The following SLC7A9 variants were observed in gnomAD, a reference collection of about 807,000 sequenced individuals.
SLC7A9 encodes solute carrier family 7 member 9, also known as B(0,+)-type amino acid transporter 1.
In SLC7A9, 38 loss-of-function variants were observed where a neutral mutation model predicts 54.1. The ratio of observed to expected loss-of-function variants is 0.70; its 90% CI spans 0.54 to 0.92. The LOEUF is 0.92. Ranked by LOEUF, SLC7A9 falls within the 40% of genes least tolerant of loss-of-function variation. The pLI, the probability that SLC7A9 is intolerant of heterozygous loss-of-function variation, is 0.00. For missense variants in SLC7A9, 537 were observed against 636.1 expected (o/e 0.84, Z 1.68); for synonymous variants, 264 against 258.9 (o/e 1.02, Z -0.19).
At position 32,842,226 on chromosome 19, in the gene SLC7A9, G is replaced by A. The variant is rs756323038; in HGVS notation, c.1166C>T (p.Thr389Met). 1.1e-5 allele frequency: 17 copies of A among 1,613,852 alleles called. No homozygotes were observed. Among genetic ancestry groups the A allele is most frequent in the Middle Eastern group, 3.3e-4 (2 of 6,084 alleles). ...TCTCATCACGATGAGTCCTAGAATCGTCAGGCCATAAAACAGCCATGCGGC... is the reference window on the plus strand; with the variant it reads ...TCTCATCACGATGAGTCCTAGAATCATCAGGCCATAAAACAGCCATGCGGC... ...SFAAWLFYGL[T>M]ILGLIVMRFT... Residue 389 changes from threonine (T) to methionine (M), a missense_variant, in exon 11 of 13, where the codon ACG becomes ATG. Physicochemically the swap from Thr to Met is moderately conservative, Grantham distance 81. Coordinates refer to ENST00000023064, the MANE Select transcript of SLC7A9 (RefSeq NM_014270.5).
chr19:32,851,974 G>A (rs1404529797), intron 9 of SLC7A9, among the ~76,000 whole-genome samples: 6 of 151,006 alleles, frequency 4.0e-5, no homozygotes, highest in Non-Finnish European at 7.4e-5. Flanking sequence ...TGAACAATGA[G>A]AACACATGGA....
intron 9 of SLC7A9, among the ~76,000 whole-genome samples, chr19:32,857,530 A>G (rs1303306904): frequency 1.3e-5 from 2 of 152,180 alleles, no homozygotes. Flanking sequence ...CAAAGAATGA[A>G]GTTGGAGGCC....
chr19:32,843,834 G>A (rs372195929), intron 10 of SLC7A9, 21 bp downstream of exon 10: 33 of 1,582,458 alleles, frequency 2.1e-5, no homozygotes, highest in Non-Finnish European at 2.8e-5. Context: ...AAGATAGGCT[G>A]GTAGCGGGAT....
intron 9 of SLC7A9, among the ~76,000 whole-genome samples, chr19:32,856,510 T>C (rs923444394): frequency 1.3e-5 from 2 of 152,154 alleles, no homozygotes; most frequent in Non-Finnish European, 2.9e-5. Context: ...TTTTTAATGT[T>C]CTCAGCATAA....
rs758889514 is a variant in SLC7A9 at position 32,864,643 on chromosome 19, A to G, written c.221T>C (p.Val74Ala). The part of the protein sequence containing the change: ...PCLIIWAACG[V>A]LATLGALCFA... ...AGTCTCTTTACCCAGCGTCGCGAGGACCCCGCAAGCCGCCCATATGATGAG... is the reference window on the plus strand; with the variant it reads ...AGTCTCTTTACCCAGCGTCGCGAGGGCCCCGCAAGCCGCCCATATGATGAG... The change falls in exon 3 of 13, where the codon GTC becomes GCC. Residue 74 changes from valine to alanine, a missense_variant. Transcript: ENST00000023064. 18 of 1,613,584 alleles carry G rather than the reference A, an allele frequency of 1.1e-5. No homozygotes were observed. Among genetic ancestry groups the G allele is most frequent in the Admixed American group, 1.7e-5 (1 of 59,990 alleles).
At chr19:32,843,026 T>G (rs1259211690) in intron 10 of SLC7A9, among the ~76,000 whole-genome samples, 1 of 152,068 alleles carries the variant, frequency 6.6e-6, no homozygotes, top group Admixed American at 6.6e-5. Flanking sequence ...GTCTTCAGAA[T>G]GATAGAGAGT....
At position 32,864,307 on chromosome 19, in the gene SLC7A9, C is replaced by G. The variant is rs776516956; in HGVS notation, c.267G>C (p.Met89Ile). 3 of 1,614,058 alleles carry G rather than the reference C, an allele frequency of 1.9e-6. No homozygotes were observed. In the South Asian group the frequency reaches 3.3e-5, roughly 18 times the overall value. Residue 89 changes from methionine (M) to isoleucine (I), a missense_variant, in exon 4 of 13, where the codon ATG (methionine) becomes ATC (isoleucine). Transcript: ENST00000023064. Reference protein sequence around the residue: ...GALCFAELGTMITKSGGEYPY... With the variant: ...GALCFAELGTIITKSGGEYPY... ...GATACTCTCCCCCTGACTTGGTGAT[C>G]ATTGTGCCAAGCTCCGCAAAGCACA...
chr19:32,835,911 ATGTGTGTG>A (rs60204379), intron 11 of SLC7A9, among the ~76,000 whole-genome samples: 65 of 142,838 alleles, frequency 4.6e-4, no homozygotes, highest in African/African-American at 1.6e-3. Context: ...GTGTGTGTGT[ATGTGTGTG>A]TGTGTGTGTG....
chr19:32,846,736 A>AC (rs1320412380), intron 9 of SLC7A9, among the ~76,000 whole-genome samples: 7 of 151,926 alleles, frequency 4.6e-5, no homozygotes, highest in Non-Finnish European at 7.4e-5. Flanking sequence ...TGGGTCCCTG[A>AC]CCCCCCAGCA....
At chr19:32,843,475 A>G (rs1255895533) in intron 10 of SLC7A9, among the ~76,000 whole-genome samples, 1 of 151,706 alleles carries the variant, frequency 6.6e-6, no homozygotes, top group Non-Finnish European at 1.5e-5. Context: ...AAAAAGTCAA[A>G]GGGCGTTTAC....
chr19:32,833,035 A>G, intron 12 of SLC7A9, 114 bp downstream of exon 12: 2 of 1,026,944 alleles, frequency 1.9e-6, no homozygotes, highest in South Asian at 1.3e-5. Flanking sequence ...GGGACGAGGG[A>G]GATCTGCCAG....
At chr19:32,859,777 G>C in intron 8 of SLC7A9, 64 bp downstream of exon 8, 1 of 1,372,042 alleles carries the variant, frequency 7.3e-7, no homozygotes, top group South Asian at 1.2e-5. Flanking sequence ...CTCCAGTGCT[G>C]ACACCTGCCT....
At chr19:32,860,892 A>AT (rs1968781360) in intron 6 of SLC7A9, among the ~76,000 whole-genome samples, 1 of 152,158 alleles carries the variant, frequency 6.6e-6, no homozygotes, top group Non-Finnish European at 1.5e-5. Flanking sequence ...AATCACACGG[A>AT]TTTTCAAGAA....
chr19:32,864,772 C>T lies in SLC7A9; in HGVS notation c.92G>A (p.Gly31Asp), dbSNP rs754964226. The T allele has an allele frequency of 1.9e-6, 3 of 1,614,156 alleles. No homozygotes were observed. The highest frequency in any genetic ancestry group is 4.5e-5 in the East Asian group (2 of 44,886). The change falls in exon 3 of 13, where the codon GGC becomes GAC. Residue 31 changes from glycine (G) to aspartate (D), a missense_variant. Physicochemically the swap from Gly to Asp is moderately conservative, Grantham distance 94 (BLOSUM62 -1). Transcript: ENST00000023064. ...GATGATGGAGATGCCACTGATGAGG[C>T]CCAGCTGGGTGTGGAGGAAGGAAGA... is the stretch of plus-strand genomic sequence containing the variant. ...PKTTSLQKEL[G>D]LISGISIIVG...
chr19:32,865,484 G>C (rs573711156), intron 2 of SLC7A9, among the ~76,000 whole-genome samples: 1 of 152,298 alleles, frequency 6.6e-6, no homozygotes, highest in East Asian at 1.9e-4. Context: ...CCATTTGCTA[G>C]GATGGGAGCT....
At chr19:32,831,150 C>T (rs1291661512) in intron 12 of SLC7A9, 2 of 159,494 alleles carry the variant, frequency 1.3e-5, no homozygotes, top group Admixed American at 6.0e-5. Flanking sequence ...GTCAGGAGAT[C>T]GAGAATATCC....
intron 10 of SLC7A9, among the ~76,000 whole-genome samples, chr19:32,843,570 C>T (rs939098936): frequency 3.9e-5 from 6 of 152,198 alleles, no homozygotes; most frequent in Admixed American, 3.9e-4. Flanking sequence ...GTCTTGCTCT[C>T]CTTCCCTGTA....
chr19:32,859,752 TGGGA>T, intron 8 of SLC7A9, 85 bp downstream of exon 8: 2 of 1,116,376 alleles, frequency 1.8e-6, no homozygotes. Context: ...CCTCCTTCCC[TGGGA>T]GGGAGCTCAC....
chr19:32,843,878 GA>G lies in SLC7A9; in HGVS notation c.1050del (p.Pro351GlnfsTer11), dbSNP rs770980905. 8 of 1,613,716 alleles carry G rather than the reference GA, an allele frequency of 5.0e-6. No individual in the cohort carries two copies. The highest frequency in any genetic ancestry group is 5.9e-6 in the Non-Finnish European group (7 of 1,179,710). ...VLSYISVRRL[T>X]PAPAIIFYGI... ...ACATAAAAGATGATGGCGGGGGCTG[GA>G]GTGAGGCGCCTGACGCTGATGTAAG... On this transcript the variant is annotated frameshift_variant, in exon 10 of 13. Coordinates refer to ENST00000023064, the MANE Select transcript of SLC7A9 (RefSeq NM_014270.5). LOFTEE classifies it high-confidence loss of function.
Sources: allele counts gnomAD v4.1 joint callset (sites outside exome capture counted in the v4.1 genomes callset), GRCh38; gene constraint gnomAD v4.1.1; transcripts MANE v1.5; gene names NCBI Gene and HGNC (gene_info 2026-07-23, HGNC 2026-07-21).